The following DNAH14 variants were observed in gnomAD, a reference collection of about 807,000 sequenced individuals.
DNAH14 encodes axonemal beta dynein heavy chain 14.
A neutral mutation model predicts 520.9 loss-of-function variants in DNAH14; 478 were observed. That is an observed-to-expected ratio of 0.92 (90% CI 0.85 to 0.99). The LOEUF is 0.99. Ranked by LOEUF, DNAH14 falls within the 50% of genes least tolerant of loss-of-function variation. The pLI, the probability that DNAH14 is intolerant of heterozygous loss-of-function variation, is 0.00. For synonymous variants in DNAH14, 1,581 were observed against 1,757.2 expected (o/e 0.90, Z 2.51); for missense variants, 4,831 against 5,234.5 (o/e 0.92, Z 2.38).
intron 1 of DNAH14, among the ~76,000 whole-genome samples, chr1:224,930,110 G>T (rs1558424182): frequency 6.6e-6 from 1 of 152,202 alleles, no homozygotes; most frequent in Non-Finnish European, 1.5e-5. Flanking sequence ...CCCTCAGGCA[G>T]GCCGCGTTCC....
chr1:225,110,879 G>C (rs1011888993), intron 23 of DNAH14, among the ~76,000 whole-genome samples: 1 of 151,956 alleles, frequency 6.6e-6, no homozygotes, highest in South Asian at 2.1e-4. Flanking sequence ...CATTGACACT[G>C]ACATGGTCAT....
intron 17 of DNAH14, among the ~76,000 whole-genome samples, chr1:225,064,131 T>G (rs2070552089): frequency 6.6e-6 from 1 of 151,980 alleles, no homozygotes. Flanking sequence ...GGGCAAAGTA[T>G]TTGATCAGAC....
chr1:225,298,018 G>A (rs955986913), intron 55 of DNAH14, among the ~76,000 whole-genome samples: 10 of 152,088 alleles, frequency 6.6e-5, no homozygotes, highest in Non-Finnish European at 1.3e-4. Context: ...GCCAGCCTGG[G>A]AGTGTGCCCA....
chr1:225,183,610 A>G (rs1371094209), intron 36 of DNAH14, among the ~76,000 whole-genome samples: 2 of 152,076 alleles, frequency 1.3e-5, no homozygotes, highest in African/African-American at 4.8e-5. Flanking sequence ...AAAAATCTAT[A>G]CAAAGGATCA....
Position 224,929,762 on chromosome 1 carries a change from C to T in DNAH14, c.-107C>T, listed in dbSNP as rs1365644176. 7.1e-6 allele frequency: 5 copies of T among 701,924 alleles called. No individual in the cohort carries two copies. The highest frequency in any genetic ancestry group is 1.0e-5 in the Non-Finnish European group (4 of 384,616). The allele number at this position is 701,924 out of a possible 1,614,324, so 43.5% of individuals were successfully genotyped here. A position where few individuals can be genotyped will look rare whatever the true frequency, so the allele number is the denominator to read the frequency against. On this transcript the variant is annotated 5_prime_UTR_variant, in exon 1 of 86. Coordinates refer to ENST00000682510, the MANE Select transcript of DNAH14 (RefSeq NM_001367479.1). ...TTCCCATTCACCCTAGTCTGGCGCT[C>T]GCCGGCGTGGGCGGGCCGGACCTTC...
intron 22 of DNAH14, among the ~76,000 whole-genome samples, chr1:225,098,469 G>A (rs1007832099): frequency 1.3e-5 from 2 of 152,280 alleles, no homozygotes; most frequent in Admixed American, 6.5e-5. Flanking sequence ...GTATTTGAAA[G>A]GCCTATTATA....
At chr1:225,250,727 T>A in intron 43 of DNAH14, 1 of 520,468 alleles carries the variant, frequency 1.9e-6, no homozygotes, top group South Asian at 3.1e-5. Context: ...TTTATTGTGG[T>A]TTCTGCAGGA....
Position 225,380,268 on chromosome 1 carries a change from T to A in DNAH14, c.12826T>A (p.Leu4276Met). 1.3e-6 allele frequency: 2 copies of A among 1,551,662 alleles called. No individual in the cohort carries two copies. The highest frequency in any genetic ancestry group is 8.7e-7 in the Non-Finnish European group (1 of 1,146,990). ...EEIAVGTPST[L>M]KSMMSSSIWE... is the part of the protein sequence containing the mutation. ...AATTGCTGTTGGAACTCCAAGCACATTGAAGAGCATGATGTCAAGCTCCAT... is the reference window on the plus strand; with the variant it reads ...AATTGCTGTTGGAACTCCAAGCACAATGAAGAGCATGATGTCAAGCTCCAT... Residue 4276 changes from leucine to methionine, a missense_variant, in exon 80 of 86, where the codon TTG (leucine) becomes ATG (methionine). Transcript: ENST00000682510.
intron 17 of DNAH14, among the ~76,000 whole-genome samples, chr1:225,057,315 A>T (rs930246759): frequency 6.6e-6 from 1 of 152,228 alleles, no homozygotes; most frequent in Non-Finnish European, 1.5e-5. Context: ...AAGTTCGCTC[A>T]TGATTTGGCT....
At position 225,080,415 on chromosome 1, in the gene DNAH14, G is replaced by T. The variant is rs1206189847; in HGVS notation, c.2803G>T (p.Val935Leu). 3 of 1,548,920 alleles carry T rather than the reference G, an allele frequency of 1.9e-6. No homozygotes were observed. The highest frequency in any genetic ancestry group is 2.7e-5 in the African/African-American group (2 of 73,014). The change falls in exon 19 of 86, where the codon GTG becomes TTG. Residue 935 changes from valine to leucine, a missense_variant. Val to Leu is a conservative substitution (Grantham distance 32). Coordinates refer to ENST00000682510, the MANE Select transcript of DNAH14 (RefSeq NM_001367479.1). ...TPLLLCAGTQ[V>L]STAMEMIQTL... ...TCTTCTGTTATGTGCTGGTACTCAA[G>T]TGTCAACAGCAATGGAAATGATCCA...
chr1:224,955,944 A>G (rs1414963974), intron 3 of DNAH14, among the ~76,000 whole-genome samples: 1 of 151,920 alleles, frequency 6.6e-6, no homozygotes, highest in Non-Finnish European at 1.5e-5. Flanking sequence ...CCTGGATTCT[A>G]CCTCCTTCAT....
chr1:224,945,439 C>T (rs1219171399), intron 1 of DNAH14, among the ~76,000 whole-genome samples: 1 of 152,020 alleles, frequency 6.6e-6, no homozygotes, highest in African/African-American at 2.4e-5. Flanking sequence ...TGGGTTTGAA[C>T]TTGCTCTTTT....
intron 61 of DNAH14, among the ~76,000 whole-genome samples, chr1:225,319,256 A>G (rs1216866207): frequency 6.6e-6 from 1 of 152,220 alleles, no homozygotes; most frequent in East Asian, 1.9e-4. Context: ...TGAAGAGAAT[A>G]CATAAGAAAA....
intron 77 of DNAH14, among the ~76,000 whole-genome samples, chr1:225,372,726 CTT>C (rs984088295): frequency 4.6e-5 from 7 of 152,026 alleles, no homozygotes; most frequent in Non-Finnish European, 1.0e-4. Context: ...TTACAAAAAA[CTT>C]TTATATGGTA....
intron 11 of DNAH14, among the ~76,000 whole-genome samples, chr1:225,028,848 G>A (rs1329766355): frequency 6.6e-6 from 1 of 151,970 alleles, no homozygotes; most frequent in Non-Finnish European, 1.5e-5. Context: ...CATGGCTGGT[G>A]GGAATGCAAA....
At chr1:225,011,214 C>G (rs555462193) in intron 10 of DNAH14, among the ~76,000 whole-genome samples, 2 of 152,202 alleles carry the variant, frequency 1.3e-5, no homozygotes, top group South Asian at 4.1e-4. Flanking sequence ...TAGATCTTTC[C>G]CACTTTCTCC....
chr1:225,330,105 T>C (rs765803388), intron 64 of DNAH14, among the ~76,000 whole-genome samples: 5 of 152,100 alleles, frequency 3.3e-5, no homozygotes, highest in Non-Finnish European at 7.4e-5. Context: ...CAGTGAGATA[T>C]CATCTTACCC....
At chr1:225,102,377 A>G (rs1400020593) in intron 23 of DNAH14, among the ~76,000 whole-genome samples, 3 of 152,148 alleles carry the variant, frequency 2.0e-5, no homozygotes, top group African/African-American at 7.2e-5. Flanking sequence ...TTATCGCAGC[A>G]TGATTTATAA....
intron 77 of DNAH14, among the ~76,000 whole-genome samples, chr1:225,370,179 T>A (rs2095602530): frequency 6.6e-6 from 1 of 152,052 alleles, no homozygotes; most frequent in Non-Finnish European, 1.5e-5. Flanking sequence ...TCCCAGCTAC[T>A]CAGGAGGCAG....
Sources: gnomAD v4.1 joint callset for allele counts (sites outside exome capture counted in the v4.1 genomes callset) on GRCh38, gnomAD v4.1.1 for gene constraint, MANE v1.5 for transcripts, NCBI Gene and HGNC (gene_info 2026-07-23, HGNC 2026-07-21) for gene names.